Variants in MEI4 observed in about 807,000 individuals in gnomAD.
MEI4 encodes the protein meiosis-specific protein MEI4.
A neutral mutation model predicts 31.4 loss-of-function variants in MEI4; 27 were observed. That is an observed-to-expected ratio of 0.86 (90% confidence interval 0.63 to 1.19). The LOEUF (loss-of-function observed/expected upper bound fraction) is 1.19, where lower values mean the gene tolerates loss of function less well. Ranked by LOEUF, MEI4 falls within the 50% of genes most tolerant of loss-of-function variation. The pLI, the probability that MEI4 is intolerant of heterozygous loss-of-function variation, is 0.00. For missense variants in MEI4, 329 were observed against 398.9 expected (o/e 0.82, Z 1.49); for synonymous variants, 122 against 145.4 (o/e 0.84, Z 1.16).
intron 4 of MEI4, among the ~76,000 whole-genome samples, chr6:77,899,380 A>C (rs796508507): frequency 7.9e-5 from 12 of 152,174 alleles, no homozygotes; most frequent in African/African-American, 2.4e-4. Flanking sequence ...CATTCTCTGA[A>C]AGCTCCCCAT....
chr6:77,883,731 T>TATACATATACATATATATATAC (rs1562025115), intron 4 of MEI4, among the ~76,000 whole-genome samples: 2 of 141,296 alleles, frequency 1.4e-5, no homozygotes, highest in Admixed American at 7.1e-5. Flanking sequence ...TATATATATA[T>TATACATATACATATATATATAC]ATATATATAT....
chr6:77,863,532 A>G (rs1422514386), intron 4 of MEI4, among the ~76,000 whole-genome samples: 1 of 152,146 alleles, frequency 6.6e-6, no homozygotes, highest in Non-Finnish European at 1.5e-5. Context: ...AAGTTTAGAG[A>G]AAAAAGAAAA....
chr6:77,787,659 G>A (rs1582141593), intron 3 of MEI4, among the ~76,000 whole-genome samples: 1 of 152,066 alleles, frequency 6.6e-6, no homozygotes, highest in South Asian at 2.1e-4. Flanking sequence ...AAAGAATTAA[G>A]CAAACATGAC....
intron 3 of MEI4, among the ~76,000 whole-genome samples, chr6:77,765,227 G>T (rs1354303285): frequency 6.7e-6 from 1 of 149,352 alleles, no homozygotes; most frequent in Non-Finnish European, 1.5e-5. Context: ...GTTTCTTTTT[G>T]TTACTTTTCT....
chr6:77,683,197 A>C lies in MEI4; in HGVS notation c.-14-7461A>C, dbSNP rs539033270. On this transcript the variant is annotated intron_variant, in intron 1 of 4. Transcript: ENST00000684080. ...GATTGGTGCAGAGCTCTGAGACTTC[A>C]TACAAAATGCTTCTTCATTTTGCTT... 1.1e-4 allele frequency among the ~76,000 whole-genome samples: 17 copies of C among 152,308 alleles called. No homozygotes were observed. In the East Asian group the frequency reaches 3.3e-3, roughly 29 times the overall value.
chr6:77,807,513 G>T (rs1769469789), intron 3 of MEI4, among the ~76,000 whole-genome samples: 2 of 152,058 alleles, frequency 1.3e-5, no homozygotes, highest in South Asian at 2.1e-4. Context: ...ATCTACCCTT[G>T]CTCCTTAAAA....
At chr6:77,710,454 G>A (rs538777344) in intron 2 of MEI4, among the ~76,000 whole-genome samples, 10 of 145,848 alleles carry the variant, frequency 6.9e-5, no homozygotes, top group African/African-American at 2.0e-4. Context: ...CCTGGGAGGT[G>A]GAGATTGCAG....
chr6:77,873,184 T>C lies in MEI4; in HGVS notation c.900+44122T>C, dbSNP rs538061825. On this transcript the variant is annotated intron_variant, in intron 4 of 4. Transcript: ENST00000684080. ...ATCCCTGAGGAATCACCACACTGAC[T>C]TCCACAATGGTTGAACTAGTTTACA... Among the ~76,000 whole-genome samples, 895 of 152,324 alleles carry C rather than the reference T, an allele frequency of 5.9e-3. 11 individuals are homozygous for C. The highest frequency in any genetic ancestry group is 0.021 in the African/African-American group (859 of 41,580).
chr6:77,669,787 G>T (rs2127645219), intron 1 of MEI4, among the ~76,000 whole-genome samples: 1 of 152,314 alleles, frequency 6.6e-6, no homozygotes, highest in Non-Finnish European at 1.5e-5. Context: ...ACAACTCTAT[G>T]ATGTAGCTTT....
At chr6:77,884,482 T>C (rs1157043138) in intron 4 of MEI4, among the ~76,000 whole-genome samples, 1 of 152,220 alleles carries the variant, frequency 6.6e-6, no homozygotes, top group African/African-American at 2.4e-5. Flanking sequence ...GTTCTGTAAT[T>C]TGGGCTCTTA....
intron 4 of MEI4, among the ~76,000 whole-genome samples, chr6:77,848,152 A>G (rs753528740): frequency 5.3e-5 from 8 of 152,218 alleles, no homozygotes; most frequent in Non-Finnish European, 1.0e-4. Context: ...GTATAATGAT[A>G]AAGAGAGGGT....
At chr6:77,734,377 T>C (rs1236611176) in intron 2 of MEI4, among the ~76,000 whole-genome samples, 1 of 152,090 alleles carries the variant, frequency 6.6e-6, no homozygotes, top group Non-Finnish European at 1.5e-5. Flanking sequence ...AATTGATCTC[T>C]TTACCATTAT....
chr6:77,740,219 A>G (rs564154131), intron 2 of MEI4, among the ~76,000 whole-genome samples: 1 of 152,058 alleles, frequency 6.6e-6, no homozygotes, highest in South Asian at 2.1e-4. Context: ...TTTATGTTTG[A>G]TTATGTGATC....
At chr6:77,800,367 G>A (rs947548258) in intron 3 of MEI4, among the ~76,000 whole-genome samples, 1 of 152,156 alleles carries the variant, frequency 6.6e-6, no homozygotes, top group African/African-American at 2.4e-5. Context: ...CTTTGCTGAA[G>A]TTGCCTATCA....
chr6:77,776,162 TTTTTGTTTTTG>T (rs1229637498), intron 3 of MEI4, among the ~76,000 whole-genome samples: 22 of 68,108 alleles, frequency 3.2e-4, no homozygotes, highest in Admixed American at 6.7e-4. Context: ...AATTGTTTTT[TTTTTGTTTTTG>T]TTTTTGTTTT....
intron 2 of MEI4, among the ~76,000 whole-genome samples, chr6:77,739,120 A>G (rs917595545): frequency 6.6e-6 from 1 of 152,124 alleles, no homozygotes; most frequent in African/African-American, 2.4e-5. Flanking sequence ...TTTTGTTGCA[A>G]TAGCTTTTGG....
chr6:77,754,768 A>G (rs890033710), intron 2 of MEI4, among the ~76,000 whole-genome samples: 13 of 152,152 alleles, frequency 8.5e-5, no homozygotes, highest in Admixed American at 4.6e-4. Context: ...AAGGGAAAGC[A>G]GGCACTTCTT....
intron 4 of MEI4, among the ~76,000 whole-genome samples, chr6:77,850,682 A>T (rs9443483): frequency 1.3e-5 from 2 of 152,088 alleles, no homozygotes; most frequent in Admixed American, 1.3e-4. Context: ...CCATAAAAAC[A>T]CTAGAAGAAA....
chr6:77,909,406 A>G (rs537597465), intron 4 of MEI4, among the ~76,000 whole-genome samples: 94 of 152,294 alleles, frequency 6.2e-4, no homozygotes, highest in Non-Finnish European at 1.1e-3. Flanking sequence ...AATACAAACT[A>G]CCATCAGAGA....
Sources: gnomAD v4.1 joint callset for allele counts (sites outside exome capture counted in the v4.1 genomes callset) on GRCh38, gnomAD v4.1.1 for gene constraint, MANE v1.5 for transcripts, NCBI Gene and HGNC (gene_info 2026-07-23, HGNC 2026-07-21) for gene names.